PIEZO2: variants seen among roughly 807,000 people sequenced by gnomAD.
PIEZO2 encodes piezo-type mechanosensitive ion channel component 2.
A neutral mutation model predicts 337.3 loss-of-function variants in PIEZO2; 172 were observed. That is an observed-to-expected ratio of 0.51 (90% CI 0.45 to 0.58). The LOEUF (loss-of-function observed/expected upper bound fraction) is 0.58, where lower values mean the gene tolerates loss of function less well. Ranked by LOEUF, PIEZO2 falls within the 20% of genes least tolerant of loss-of-function variation. The pLI is 0.00. For missense variants in PIEZO2, 3,028 were observed against 3,391.3 expected (o/e 0.89, Z 2.66); for synonymous variants, 1,251 against 1,228.5 (o/e 1.02, Z -0.38).
At chr18:10,787,539 T>C (rs1322053908) in intron 15 of PIEZO2, among the ~76,000 whole-genome samples, 2 of 152,230 alleles carry the variant, frequency 1.3e-5, no homozygotes, top group Non-Finnish European at 2.9e-5. Context: ...CTGCTGTCAT[T>C]GTGGTTATCA....
At chr18:10,678,713 C>T (rs1179636963) in intron 52 of PIEZO2, among the ~76,000 whole-genome samples, 1 of 152,180 alleles carries the variant, frequency 6.6e-6, no homozygotes, top group Non-Finnish European at 1.5e-5. Flanking sequence ...GTGAGAACTT[C>T]TGCTGAGATA....
In PIEZO2 at chr18:11,129,484, C is replaced by G. The variant is rs999961201; in HGVS notation, c.64+19041G>C. 5.9e-5 allele frequency among the ~76,000 whole-genome samples: 9 copies of G among 152,132 alleles called. No homozygotes were observed. The highest frequency in any genetic ancestry group is 4.6e-4 in the Admixed American group (7 of 15,268). On this transcript the variant is annotated intron_variant, in intron 1 of 55. Coordinates refer to ENST00000674853, the MANE Select transcript of PIEZO2 (RefSeq NM_001378183.1). The surrounding 1 kb of genome is among the most constrained non-coding windows in gnomAD (Gnocchi z 4.6). ...CTACTGCATTCTTACTTAAATTATA[C>G]AAACAGAAAACTTCTAGGTCGAATG... is the stretch of plus-strand genomic sequence containing the variant.
At chr18:10,865,301 C>T (rs2041976623) in intron 5 of PIEZO2, among the ~76,000 whole-genome samples, 1 of 152,116 alleles carries the variant, frequency 6.6e-6, no homozygotes, top group African/African-American at 2.4e-5. Flanking sequence ...TTTAATTATA[C>T]AAGAATAATC....
rs1173584117 is a variant in PIEZO2 at position 11,143,627 on chromosome 18, ACACACACACACACTCTCTCT to A, written c.64+4878_64+4897del. On this transcript the variant is annotated intron_variant, in intron 1 of 55. Transcript: ENST00000674853. The surrounding 1 kb of genome is among the most constrained non-coding windows in gnomAD (Gnocchi z 4.9). ...CACACACACACACACACACACACAC[ACACACACACACACTCTCTCT>A]CTCTCTCTCTCTCTCTCTCTCTCTC... 4.6e-5 allele frequency among the ~76,000 whole-genome samples: 5 copies of A among 107,866 alleles called. No homozygotes were observed. Among genetic ancestry groups the A allele is most frequent in the East Asian group, 3.0e-4 (1 of 3,330 alleles). The allele number at this position is 107,866 out of a possible 152,430, so 70.8% of individuals were successfully genotyped here. A position where few individuals can be genotyped will look rare whatever the true frequency, so the allele number is the denominator to read the frequency against.
rs145575654 is a variant in PIEZO2, at chr18:10,913,496, C to T, written c.287-2268G>A. Among the ~76,000 whole-genome samples, 520 of 152,244 alleles carry T rather than the reference C, an allele frequency of 3.4e-3. 5 individuals carry two copies. Among genetic ancestry groups the T allele is most frequent in the African/African-American group, 0.012 (491 of 41,558 alleles). On this transcript the variant is annotated intron_variant, in intron 3 of 55. Coordinates refer to ENST00000674853, the MANE Select transcript of PIEZO2 (RefSeq NM_001378183.1). ...CCTTTTACATTTTTCTACATTTCCACTGTTTTCTCAGATATTTTCAGTATT... is the reference window on the plus strand; with the variant it reads ...CCTTTTACATTTTTCTACATTTCCATTGTTTTCTCAGATATTTTCAGTATT...
rs1294732732 is a variant in PIEZO2, at chr18:11,132,587, A to C, written c.64+15938T>G. Among the ~76,000 whole-genome samples the C allele has an allele frequency of 1.3e-5, 2 of 152,182 alleles. No individual in the cohort carries two copies. The highest frequency in any genetic ancestry group is 2.9e-5 in the Non-Finnish European group (2 of 68,032). ...AGTGGCACCACTCACAATCATCCCT[A>C]GTGATCCACTAGCAAAATTTTTGCT... On this transcript the variant is annotated intron_variant, in intron 1 of 55. Transcript: ENST00000674853. This position sits in a 1 kb window ranked among gnomAD's most constrained non-coding sequence, Gnocchi z 4.7.
rs867344837 is a variant in PIEZO2, at chr18:10,846,287, C to T, written c.917+9066G>A. The stretch of plus-strand genomic sequence containing the variant: ...GAGAGAGCTCATGCAGGCAAACTCC[C>T]GTTTTTTAAAACCATCAGATTTGTG... On this transcript the variant is annotated intron_variant, in intron 7 of 55. Transcript: ENST00000674853. The surrounding 1 kb of genome is among the most constrained non-coding windows in gnomAD (Gnocchi z 4.1). Among the ~76,000 whole-genome samples, 2 of 152,270 alleles carry T rather than the reference C, an allele frequency of 1.3e-5. No homozygotes were observed. The highest frequency in any genetic ancestry group is 2.1e-4 in the South Asian group (1 of 4,822).
intron 15 of PIEZO2, among the ~76,000 whole-genome samples, chr18:10,787,524 A>C (rs940256872): frequency 6.6e-6 from 1 of 152,196 alleles, no homozygotes; most frequent in African/African-American, 2.4e-5. Flanking sequence ...ACAGTAGGGT[A>C]GGTGCTGCTG....
chr18:11,102,526 A>T lies in PIEZO2; in HGVS notation c.65-36304T>A, dbSNP rs980281464. On this transcript the variant is annotated intron_variant, in intron 1 of 55. Transcript: ENST00000674853. The surrounding 1 kb of genome is among the most constrained non-coding windows in gnomAD (Gnocchi z 5.7). ...CCTTCCCCTGCCTAGGGCAGAGCAG[A>T]GGATGGGGCTATGGGGAGAGGAAGC... Among the ~76,000 whole-genome samples the T allele has an allele frequency of 6.6e-6, 1 of 152,196 alleles. No homozygotes were observed. Among genetic ancestry groups the T allele is most frequent in the African/African-American group, 2.4e-5 (1 of 41,442 alleles).
chr18:11,144,547 A>G (rs1297905493), intron 1 of PIEZO2, among the ~76,000 whole-genome samples: 3 of 152,240 alleles, frequency 2.0e-5, no homozygotes, highest in Non-Finnish European at 4.4e-5. Flanking sequence ...AAAATACATC[A>G]TGCTATAAAG....
Position 11,033,151 on chromosome 18 carries a change from T to C in PIEZO2, c.160+32976A>G, listed in dbSNP as rs2036801995. ...ACCGTGAGCCCAACACATTACGTCA[T>C]TGAGTCCTCTCTACAACACACATGT... On this transcript the variant is annotated intron_variant, in intron 2 of 55. Coordinates refer to ENST00000674853, the MANE Select transcript of PIEZO2 (RefSeq NM_001378183.1). This position sits in a 1 kb window ranked among gnomAD's most constrained non-coding sequence, Gnocchi z 4.2. 6.6e-6 allele frequency among the ~76,000 whole-genome samples: 1 copy of C among 152,224 alleles called. No homozygotes were observed. Among genetic ancestry groups the C allele is most frequent in the African/African-American group, 2.4e-5 (1 of 41,456 alleles).
chr18:10,702,845 T>G (rs2035401230), intron 42 of PIEZO2, among the ~76,000 whole-genome samples: 1 of 152,168 alleles, frequency 6.6e-6, no homozygotes, highest in Non-Finnish European at 1.5e-5. Context: ...CAACTTAACT[T>G]ATATAGAAAT....
intron 13 of PIEZO2, among the ~76,000 whole-genome samples, chr18:10,792,788 A>C (rs2039447672): frequency 6.6e-6 from 1 of 152,194 alleles, no homozygotes; most frequent in African/African-American, 2.4e-5. Flanking sequence ...TGGGTAAATG[A>C]ACCTAGGACT....
At chr18:11,082,979 C>T (rs9955194) in intron 1 of PIEZO2, among the ~76,000 whole-genome samples, 15,938 of 152,202 alleles carry the variant, frequency 0.1, 2,259 homozygotes, top group African/African-American at 0.33. Flanking sequence ...CTGATGGAAT[C>T]GGCAGCATCC....
chr18:10,690,313 G>A (rs1360297272), intron 48 of PIEZO2, among the ~76,000 whole-genome samples: 1 of 152,174 alleles, frequency 6.6e-6, no homozygotes, highest in Admixed American at 6.5e-5. Flanking sequence ...CTCAGCCTCT[G>A]TGGTTCAGTT....
rs969831577 is a variant in PIEZO2, at chr18:10,813,214, C to G, written c.918-5940G>C. On this transcript the variant is annotated intron_variant, in intron 7 of 55. Coordinates refer to ENST00000674853, the MANE Select transcript of PIEZO2 (RefSeq NM_001378183.1). This position sits in a 1 kb window ranked among gnomAD's most constrained non-coding sequence, Gnocchi z 4.2. ...CAGGCTGGTCTCCAACTCCTGACCT[C>G]GTGATTTGCCCGCCTGGGCCTCCCA... is the stretch of plus-strand genomic sequence containing the variant. Among the ~76,000 whole-genome samples the G allele has an allele frequency of 6.6e-6, 1 of 152,106 alleles. No individual in the cohort carries two copies. Among genetic ancestry groups the G allele is most frequent in the Non-Finnish European group, 1.5e-5 (1 of 68,016 alleles).
Position 11,129,979 on chromosome 18 carries a change from C to A in PIEZO2, c.64+18546G>T, listed in dbSNP as rs576871385. On this transcript the variant is annotated intron_variant, in intron 1 of 55. Coordinates refer to ENST00000674853, the MANE Select transcript of PIEZO2 (RefSeq NM_001378183.1). The surrounding 1 kb of genome is among the most constrained non-coding windows in gnomAD (Gnocchi z 4.6). Reference sequence around the variant, plus strand: ...TAGACATACTCAGCAGCTGGCAGAACCCCCACATTGGCTCCCTGACTAGTA... The same window carrying A: ...TAGACATACTCAGCAGCTGGCAGAAACCCCACATTGGCTCCCTGACTAGTA... Among the ~76,000 whole-genome samples the A allele has an allele frequency of 2.6e-5, 4 of 152,300 alleles. No individual in the cohort carries two copies. The East Asian group carries it at 7.7e-4, about 29-fold the overall frequency.
intron 1 of PIEZO2, among the ~76,000 whole-genome samples, chr18:11,076,828 A>G (rs964427992): frequency 6.6e-6 from 1 of 152,262 alleles, no homozygotes; most frequent in Non-Finnish European, 1.5e-5. Flanking sequence ...CTGATTGAAT[A>G]CAGTTTGCAT....
chr18:11,119,147 CTTTTTTTT>C (rs58414095), intron 1 of PIEZO2, among the ~76,000 whole-genome samples: 1 of 131,260 alleles, frequency 7.6e-6, no homozygotes, highest in Admixed American at 7.5e-5. Context: ...CAAATATTTG[CTTTTTTTT>C]TTTTTTTTTT....
Sources: gnomAD v4.1 joint callset for allele counts (sites outside exome capture counted in the v4.1 genomes callset) on GRCh38, gnomAD v4.1.1 for gene constraint, Gnocchi (gnomAD v3.1) non-coding constraint, MANE v1.5 for transcripts, NCBI Gene and HGNC (gene_info 2026-07-23, HGNC 2026-07-21) for gene names.